Variants in HIVEP2 observed in about 807,000 individuals in gnomAD.
HIVEP2 encodes the protein transcription factor HIVEP2.
Under a neutral mutation model 180.7 loss-of-function variants are expected in HIVEP2, and 14 were observed. The ratio of observed to expected loss-of-function variants is 0.08; its 90% CI spans 0.05 to 0.12. The LOEUF (loss-of-function observed/expected upper bound fraction) is 0.12. Ranked by LOEUF, HIVEP2 falls within the 10% of genes least tolerant of loss-of-function variation. The pLI, the probability that HIVEP2 is intolerant of heterozygous loss-of-function variation, is 1.00. For missense variants in HIVEP2, 2,579 were observed against 3,008.5 expected, an observed-to-expected ratio of 0.86 and a Z score of 3.34; for synonymous variants, 1,184 against 1,136.4, an observed-to-expected ratio of 1.04 and a Z score of -0.84.
intron 1 of HIVEP2, among the ~76,000 whole-genome samples, chr6:142,859,252 G>T (rs769964890): frequency 1.2e-4 from 19 of 152,038 alleles, no homozygotes; most frequent in Non-Finnish European, 2.1e-4. Flanking sequence ...AGGATCACTT[G>T]AGCCCAGGAG....
intron 1 of HIVEP2, among the ~76,000 whole-genome samples, chr6:142,860,432 A>G (rs1307335933): frequency 6.6e-6 from 1 of 152,196 alleles, no homozygotes; most frequent in Non-Finnish European, 1.5e-5. Context: ...GGGAAGACTG[A>G]AGTGCACTGC....
chr6:142,777,688 A>AAAAT (rs1775739393), intron 3 of HIVEP2, among the ~76,000 whole-genome samples: 1 of 123,190 alleles, frequency 8.1e-6, no homozygotes, highest in Non-Finnish European at 1.7e-5. Context: ...AAAAAAAAAA[A>AAAAT]GTGGAACCTG....
Position 142,760,121 on chromosome 6 carries a change from C to T in HIVEP2, c.6167G>A (p.Arg2056Gln), listed in dbSNP as rs183513226. The change falls in exon 9 of 10, where the codon CGA (arginine) becomes CAA (glutamine). Residue 2056 changes from arginine (R) to glutamine (Q), a missense_variant. Around this residue, in one of 11 missense-constraint regions of HIVEP2, gnomAD observed 660 missense variants for 731.7 expected, o/e 0.90. Transcript: ENST00000367603. Reference sequence around the variant, plus strand: ...CAGATACCTCTTTGGTGAATTATCTCGACAGGGTGAAGAATCATATCCTGG... The same window carrying T: ...CAGATACCTCTTTGGTGAATTATCTTGACAGGGTGAAGAATCATATCCTGG... Reference protein sequence around the residue: ...SSPGYDSSPCRDNSPKRYLIP... With the variant: ...SSPGYDSSPCQDNSPKRYLIP... 2.5e-6 allele frequency: 4 copies of T among 1,613,922 alleles called. No individual in the cohort carries two copies. The highest frequency in any genetic ancestry group is 3.4e-6 in the Non-Finnish European group (4 of 1,180,024).
intron 2 of HIVEP2, among the ~76,000 whole-genome samples, chr6:142,822,482 T>C (rs1777066677): frequency 6.6e-6 from 1 of 152,200 alleles, no homozygotes; most frequent in Non-Finnish European, 1.5e-5. Flanking sequence ...TATGAAACTG[T>C]CTGTGATTTC....
At chr6:142,858,274 G>T (rs1306789718) in intron 1 of HIVEP2, among the ~76,000 whole-genome samples, 1 of 152,028 alleles carries the variant, frequency 6.6e-6, no homozygotes, top group African/African-American at 2.4e-5. Flanking sequence ...GCTGCTCCTG[G>T]TGCCTGACCC....
intron 1 of HIVEP2, among the ~76,000 whole-genome samples, chr6:142,863,726 G>A (rs1776063651): frequency 6.6e-6 from 1 of 152,180 alleles, no homozygotes; most frequent in Non-Finnish European, 1.5e-5. Flanking sequence ...ATCTAACTAC[G>A]CTTTTGCATA....
At chr6:142,765,023 G>A in intron 6 of HIVEP2, 49 bp from the exon 7 acceptor site, 1 of 1,518,292 alleles carries the variant, frequency 6.6e-7, no homozygotes, top group Middle Eastern at 1.7e-4. Context: ...TTCTTAGCAT[G>A]CTATATATTA....
Position 142,760,092 on chromosome 6 carries a change from G to T in HIVEP2, c.6196C>A (p.Pro2066Thr). ...RDNSPKRYLI[P>T]KGDLSPRRHL... ...CTCCTGGGAGATAAATCTCCTTTGG[G>T]TATCAGATACCTCTTTGGTGAATTA... The change falls in exon 9 of 10, where the codon CCC becomes ACC. Residue 2066 changes from proline (P) to threonine (T), a missense_variant. Pro to Thr is a conservative substitution (Grantham distance 38). This residue lies in a region of HIVEP2 where 660 missense variants were observed against 731.7 expected (regional missense o/e 0.90). Transcript: ENST00000367603. The T allele has an allele frequency of 1.2e-6, 2 of 1,614,096 alleles. No homozygotes were observed. Among genetic ancestry groups the T allele is most frequent in the Non-Finnish European group, 1.7e-6 (2 of 1,179,998 alleles).
intron 1 of HIVEP2, among the ~76,000 whole-genome samples, chr6:142,838,835 T>C (rs1347207952): frequency 1.3e-5 from 2 of 152,170 alleles, no homozygotes; most frequent in Non-Finnish European, 2.9e-5. Context: ...TCTAAAATTA[T>C]GTAATTCTTG....
At chr6:142,865,438 A>C (rs1274601216) in intron 1 of HIVEP2, among the ~76,000 whole-genome samples, 6 of 151,632 alleles carry the variant, frequency 4.0e-5, no homozygotes, top group Admixed American at 6.6e-5. Context: ...CTGAGAAGAA[A>C]AAAAAAAAGG....
rs368953291 is a variant in HIVEP2, at chr6:142,773,812, G to A, written c.927C>T (p.Gly309=). 3.4e-4 allele frequency: 550 copies of A among 1,613,650 alleles called. 1 individual carries two copies. The highest frequency in any genetic ancestry group is 8.3e-4 in the African/African-American group (62 of 75,024). The stretch of plus-strand genomic sequence containing the variant: ...ATTCTTCCAATGACCCATGATAGCC[G>A]CCTCTGCTGGCAATGTCCAGTGGGA... ...PPIPLDIASR[G]GYHGSLEESL... The change falls in exon 5 of 10, where the codon GGC becomes GGT. Residue 309 remains glycine (G), a synonymous_variant. Coordinates refer to ENST00000367603, the MANE Select transcript of HIVEP2 (RefSeq NM_006734.4).
In HIVEP2 at chr6:142,880,325, C is replaced by G. The variant is rs138516886; in HGVS notation, c.-640-43278G>C. On this transcript the variant is annotated intron_variant, in intron 1 of 9. Transcript: ENST00000367603. Reference sequence around the variant, plus strand: ...CAACCCCATAACTTGCACCCTCCCCCAGATGGTGAAGCCACACCAAAAAAA... The same window carrying G: ...CAACCCCATAACTTGCACCCTCCCCGAGATGGTGAAGCCACACCAAAAAAA... Among the ~76,000 whole-genome samples the G allele has an allele frequency of 5.6e-3, 853 of 152,220 alleles. 25 individuals are homozygous for G. Among genetic ancestry groups the G allele is most frequent in the Admixed American group, 0.051 (775 of 15,276 alleles).
intron 1 of HIVEP2, among the ~76,000 whole-genome samples, chr6:142,857,854 G>A (rs1775864554): frequency 6.6e-6 from 1 of 152,196 alleles, no homozygotes; most frequent in Non-Finnish European, 1.5e-5. Flanking sequence ...TGCGGGCGGG[G>A]GGAAGCCACG....
intron 2 of HIVEP2, among the ~76,000 whole-genome samples, chr6:142,813,754 A>G (rs561736417): frequency 2.0e-5 from 3 of 151,782 alleles, no homozygotes; most frequent in African/African-American, 7.2e-5. Context: ...TTTTGTAGAG[A>G]CAAGGTCTCA....
At chr6:142,942,935 T>C (rs988657507) in intron 1 of HIVEP2, among the ~76,000 whole-genome samples, 1 of 152,232 alleles carries the variant, frequency 6.6e-6, no homozygotes. Context: ...AAAAGATTCA[T>C]CATTGTAATA....
intron 1 of HIVEP2, among the ~76,000 whole-genome samples, chr6:142,865,196 T>C (rs1776107935): frequency 1.3e-5 from 2 of 152,146 alleles, no homozygotes; most frequent in South Asian, 4.1e-4. Flanking sequence ...TATGCTGCCA[T>C]TTTTATACTC....
chr6:142,775,575 G>T (rs1188441689), intron 4 of HIVEP2, among the ~76,000 whole-genome samples: 1 of 152,058 alleles, frequency 6.6e-6, no homozygotes, highest in African/African-American at 2.4e-5. Flanking sequence ...GGTGGCTCAC[G>T]CCTGTAAACC....
chr6:142,840,501 AT>A (rs1289939033), intron 1 of HIVEP2, among the ~76,000 whole-genome samples: 19 of 152,102 alleles, frequency 1.2e-4, no homozygotes, highest in South Asian at 2.1e-4. Flanking sequence ...TTAATCTATT[AT>A]TTGTCCCCAT....
chr6:142,817,229 C>T (rs993176988), intron 2 of HIVEP2, among the ~76,000 whole-genome samples: 2 of 152,102 alleles, frequency 1.3e-5, no homozygotes, highest in Admixed American at 1.3e-4. Context: ...GGTAATTAAC[C>T]TGACTGAAAG....
Sources: gnomAD v4.1 joint callset for allele counts (sites outside exome capture counted in the v4.1 genomes callset) on GRCh38, gnomAD v4.1.1 for gene constraint, gnomAD v4.1.1 regional missense constraint, MANE v1.5 for transcripts, NCBI Gene and HGNC (gene_info 2026-07-23, HGNC 2026-07-21) for gene names.